FBXO38: variants seen among roughly 807,000 people sequenced by gnomAD.
FBXO38 encodes F-box protein 38, also known as F-box only protein 38.
In FBXO38, 53 loss-of-function variants were observed where a neutral mutation model predicts 131.9. The ratio of observed to expected loss-of-function variants is 0.40; its 90% CI spans 0.32 to 0.51. The LOEUF is 0.51. FBXO38 is among the 20% of genes least tolerant of loss of function. The pLI is 0.53. For synonymous variants in FBXO38, 452 were observed against 505.6 expected (o/e 0.89, Z 1.42); for missense variants, 1,076 against 1,475.6 (o/e 0.73, Z 4.44).
In FBXO38 at chr5:148,402,005, A is replaced by G. The variant is rs1185057010; in HGVS notation, c.286A>G (p.Thr96Ala). 3.1e-6 allele frequency: 5 copies of G among 1,610,626 alleles called. No individual in the cohort carries two copies. The East Asian group carries it at 1.1e-4, about 36-fold the overall frequency. The change falls in exon 4 of 22, where the codon ACA (threonine) becomes GCA (alanine). Residue 96 changes from threonine to alanine, a missense_variant. Around this residue, in one of 8 missense-constraint regions of FBXO38, gnomAD observed 96 missense variants for 193.9 expected, o/e 0.50. Coordinates refer to ENST00000340253, the MANE Select transcript of FBXO38 (RefSeq NM_205836.3). ...PSGFTDASFLTLLKKMPDVEQ... is the reference protein window; with the variant it reads ...PSGFTDASFLALLKKMPDVEQ... ...AGGCTTTACAGATGCCAGTTTTCTA[A>G]CACTATTAAAGAAGATGCCAGATGT...
intron 10 of FBXO38, 87 bp from the exon 11 acceptor site, chr5:148,415,841 G>C: frequency 7.3e-7 from 1 of 1,363,736 alleles, no homozygotes; most frequent in Non-Finnish European, 1.0e-6. Context: ...AAAAGGATTT[G>C]AAAGTCTTTG....
At chr5:148,422,906 CA>C (rs1753519147) in intron 12 of FBXO38, among the ~76,000 whole-genome samples, 1 of 152,294 alleles carries the variant, frequency 6.6e-6, no homozygotes, top group Non-Finnish European at 1.5e-5. Flanking sequence ...GCTACCTTTT[CA>C]GCCTTGTTTT....
intron 3 of FBXO38, among the ~76,000 whole-genome samples, chr5:148,401,235 G>T (rs1364696019): frequency 6.6e-6 from 1 of 152,116 alleles, no homozygotes; most frequent in Non-Finnish European, 1.5e-5. Flanking sequence ...TATGAGACTT[G>T]TCTCCCCACT....
intron 5 of FBXO38, among the ~76,000 whole-genome samples, chr5:148,403,850 A>G (rs555341674): frequency 1.7e-4 from 26 of 152,302 alleles, no homozygotes; most frequent in African/African-American, 6.0e-4. Context: ...AGTTTTGCCA[A>G]CTACTGTTTG....
chr5:148,424,932 C>T (rs1753632299), intron 13 of FBXO38, among the ~76,000 whole-genome samples: 1 of 152,108 alleles, frequency 6.6e-6, no homozygotes, highest in Non-Finnish European at 1.5e-5. Context: ...GTTATAAGAA[C>T]TAGGTTTAAA....
At chr5:148,441,410 G>C (rs1401661008) in intron 21 of FBXO38, 173 bp downstream of exon 21, 1 of 562,216 alleles carries the variant, frequency 1.8e-6, no homozygotes, top group Non-Finnish European at 3.1e-6. Flanking sequence ...TAGATGTTCA[G>C]TGGACTTACT....
At chr5:148,412,762 C>G (rs1341967777) in intron 9 of FBXO38, among the ~76,000 whole-genome samples, 1 of 152,020 alleles carries the variant, frequency 6.6e-6, no homozygotes, top group Admixed American at 6.6e-5. Context: ...TCTTGGGTAG[C>G]TCTGAGGAAC....
intron 7 of FBXO38, among the ~76,000 whole-genome samples, chr5:148,408,587 A>C (rs1262157378): frequency 6.6e-6 from 1 of 152,226 alleles, no homozygotes. Flanking sequence ...TCATAAACAG[A>C]GTGTTTAGTA....
At chr5:148,426,938 T>C (rs1404964620) in intron 14 of FBXO38, among the ~76,000 whole-genome samples, 1 of 152,100 alleles carries the variant, frequency 6.6e-6, no homozygotes, top group Non-Finnish European at 1.5e-5. Flanking sequence ...GGAGCTGGAA[T>C]GTAGAATGTA....
At chr5:148,389,592 G>A (rs1278535470) in intron 1 of FBXO38, among the ~76,000 whole-genome samples, 1 of 152,188 alleles carries the variant, frequency 6.6e-6, no homozygotes, top group Non-Finnish European at 1.5e-5. Context: ...GTGAGTTGAA[G>A]GCAGGGTGTT....
At chr5:148,384,292 C>T (rs955338099) in intron 1 of FBXO38, among the ~76,000 whole-genome samples, 2 of 152,192 alleles carry the variant, frequency 1.3e-5, no homozygotes, top group Non-Finnish European at 2.9e-5. Context: ...ATAAAGAACT[C>T]TCTCTGGGCC....
intron 12 of FBXO38, among the ~76,000 whole-genome samples, chr5:148,420,321 C>T (rs886302796): frequency 1.3e-5 from 2 of 151,874 alleles, no homozygotes; most frequent in African/African-American, 2.4e-5. Flanking sequence ...GAGATAGGGT[C>T]TTACTGTGTC....
intron 14 of FBXO38, among the ~76,000 whole-genome samples, chr5:148,426,749 G>C (rs1753732348): frequency 1.3e-5 from 2 of 152,296 alleles, no homozygotes; most frequent in South Asian, 4.1e-4. Context: ...TAGTCTAGTT[G>C]AAGAGTCATG....
At chr5:148,439,285 G>C (rs1754534209) in intron 18 of FBXO38, among the ~76,000 whole-genome samples, 1 of 152,186 alleles carries the variant, frequency 6.6e-6, no homozygotes, top group Non-Finnish European at 1.5e-5. Context: ...AGTCTCATTT[G>C]AATAGGGTAT....
At chr5:148,388,973 T>C (rs2113480984) in intron 1 of FBXO38, among the ~76,000 whole-genome samples, 1 of 152,360 alleles carries the variant, frequency 6.6e-6, no homozygotes, top group African/African-American at 2.4e-5. Flanking sequence ...TGAGAGATGC[T>C]CAACTCTTCC....
At chr5:148,406,136 G>A in intron 6 of FBXO38, 121 bp from the exon 7 acceptor site, 3 of 917,162 alleles carry the variant, frequency 3.3e-6, no homozygotes, top group Non-Finnish European at 4.8e-6. Context: ...TGATTTCAGA[G>A]AGCCAATTTG....
intron 2 of FBXO38, chr5:148,397,473 G>A (rs916340629): frequency 2.6e-5 from 4 of 152,214 alleles, no homozygotes; most frequent in South Asian, 2.1e-4. Context: ...TATTTAGAAA[G>A]CAAATTTAAT....
chr5:148,436,565 G>A lies in FBXO38; in HGVS notation c.2858-1767G>A, dbSNP rs147344846. ...TCCCAAGCATTTCAGATAAAGGTTC[G>A]TCAACCTGTATTGCCAAAAAATATT... On this transcript the variant is annotated intron_variant, in intron 17 of 21. Transcript: ENST00000340253. 2.3e-4 allele frequency among the ~76,000 whole-genome samples: 35 copies of A among 149,820 alleles called. No homozygotes were observed. The East Asian group carries it at 5.2e-3, about 22-fold the overall frequency.
intron 8 of FBXO38, 177 bp from the exon 9 acceptor site, chr5:148,410,458 C>G (rs981067866): frequency 5.8e-6 from 4 of 686,976 alleles, no homozygotes; most frequent in Admixed American, 3.3e-5. Flanking sequence ...CAGCCATGTT[C>G]GTGAGGCCTC....
Sources: allele counts gnomAD v4.1 joint callset (sites outside exome capture counted in the v4.1 genomes callset), GRCh38; gene constraint gnomAD v4.1.1; regional missense constraint gnomAD v4.1.1; transcripts MANE v1.5; gene names NCBI Gene and HGNC (gene_info 2026-07-23, HGNC 2026-07-21).